Variants in SPIRE2 observed in about 807,000 individuals in gnomAD.
The protein encoded by SPIRE2 is spire type actin nucleation factor 2.
SPIRE2 carries 76 observed loss-of-function variants against 80.7 expected under a neutral mutation model. That is an observed-to-expected ratio of 0.94 (90% CI 0.78 to 1.14). The LOEUF is 1.14. SPIRE2 is among the 50% of genes most tolerant of loss of function. The pLI is 0.00. For synonymous variants in SPIRE2, 535 were observed against 432.6 expected, an observed-to-expected ratio of 1.24 and a Z score of -2.94; for missense variants, 1,196 against 1,015.3, an observed-to-expected ratio of 1.18 and a Z score of -2.42.
Position 89,868,318 on chromosome 16 carries a change from A to C in SPIRE2, c.1806+102A>C. 4 of 1,189,882 alleles carry C rather than the reference A, an allele frequency of 3.4e-6. No homozygotes were observed. In the South Asian group the frequency reaches 3.7e-5, roughly 11 times the overall value. 73.7% of individuals were successfully genotyped at this position (1,189,882 alleles called of 1,614,324 possible). ...ATGATGCTGCCTCACCAGGCACCTC[A>C]TCCATTTCCTTTCAGGCAGAATCCA... On this transcript the variant is annotated intron_variant, in intron 13 of 14. Coordinates refer to ENST00000378247, the MANE Select transcript of SPIRE2 (RefSeq NM_032451.2).
rs1333961412 is a variant in SPIRE2 at position 89,856,216 on chromosome 16, G to A, written c.1082G>A (p.Gly361Asp). Residue 361 changes from glycine to aspartate, a missense_variant, in exon 7 of 15, where the codon GGC becomes GAC. Physicochemically the swap from Gly to Asp is moderately conservative, Grantham distance 94. Transcript: ENST00000378247. ...GAGCGGAGGCTGCGCCCGGTGCGGG[G>A]CGAGGGCTGGGCTGCCCGCGGTGAG... ...KQERRLRPVR[G>D]EGWAARGFGS... 2 of 1,586,480 alleles carry A rather than the reference G, an allele frequency of 1.3e-6. No homozygotes were observed. Among genetic ancestry groups the A allele is most frequent in the South Asian group, 1.1e-5 (1 of 87,736 alleles).
intron 6 of SPIRE2, 66 bp downstream of exon 6, chr16:89,855,752 G>A (rs1159576502): frequency 7.3e-6 from 11 of 1,507,696 alleles, no homozygotes; most frequent in Non-Finnish European, 1.0e-5. Context: ...TAGCCAGCCT[G>A]GGAGGTGTCC....
At chr16:89,849,575 C>A (rs2041601558) in intron 2 of SPIRE2, among the ~76,000 whole-genome samples, 1 of 152,206 alleles carries the variant, frequency 6.6e-6, no homozygotes, top group Non-Finnish European at 1.5e-5. Context: ...CATCGACCTC[C>A]TGTGTCCGAC....
At chr16:89,868,059 A>C (rs2041805272) in intron 12 of SPIRE2, 130 bp from the exon 13 acceptor site, 2 of 985,222 alleles carry the variant, frequency 2.0e-6, no homozygotes, top group South Asian at 2.6e-5. Context: ...AAAGTACTGA[A>C]GTAACCAAGC....
chr16:89,867,765 A>C (rs184178472), intron 12 of SPIRE2, among the ~76,000 whole-genome samples: 1 of 151,848 alleles, frequency 6.6e-6, no homozygotes, highest in Non-Finnish European at 1.5e-5. Context: ...TTGTATTTTT[A>C]GTAGAAACGA....
At position 89,847,327 on chromosome 16, in the gene SPIRE2, C is replaced by T. The variant is rs78286759; in HGVS notation, c.288+1962C>T. ...GGGGGCCTGTCTGTGTGGCTGTGTC[C>T]GGTTGTCGTGTGTCTCACTGTTGCG... On this transcript the variant is annotated intron_variant, in intron 2 of 14. Coordinates refer to ENST00000378247, the MANE Select transcript of SPIRE2 (RefSeq NM_032451.2). Among the ~76,000 whole-genome samples the T allele has an allele frequency of 2.0e-3, 309 of 152,206 alleles. 1 individual carries two copies. The highest frequency in any genetic ancestry group is 7.2e-3 in the African/African-American group (297 of 41,510).
rs2041555625 is a variant in SPIRE2 at position 89,845,997 on chromosome 16, C to T, written c.288+632C>T. 4.2e-5 allele frequency: 8 copies of T among 192,330 alleles called. No individual in the cohort carries two copies. In the South Asian group the frequency reaches 9.6e-4, roughly 23 times the overall value. The allele number at this position is 192,330 out of a possible 1,614,324, so 11.9% of individuals were successfully genotyped here. ...CTGCAAGCTCCGCCTCCCGGGTTCA[C>T]ACCTTTCTCCTGCCTCAGCCTCCCA... On this transcript the variant is annotated intron_variant, in intron 2 of 14. Transcript: ENST00000378247.
chr16:89,848,757 C>T lies in SPIRE2; in HGVS notation c.289-1547C>T, dbSNP rs139958296. On this transcript the variant is annotated intron_variant, in intron 2 of 14. Coordinates refer to ENST00000378247, the MANE Select transcript of SPIRE2 (RefSeq NM_032451.2). ...TCCAGGGCCTTCTGTGGTGTTTCTG[C>T]AGGACAGACGAGGCAGGTTCCAGGA... Among the ~76,000 whole-genome samples the T allele has an allele frequency of 3.3e-4, 50 of 149,844 alleles. No homozygotes were observed. In the East Asian group the frequency reaches 9.5e-3, roughly 28 times the overall value.
chr16:89,861,963 A>G (rs537029318), intron 10 of SPIRE2: 13 of 151,856 alleles, frequency 8.6e-5, no homozygotes, highest in African/African-American at 2.7e-4. Flanking sequence ...CACTAAGTCC[A>G]GCCTATTCTC....
chr16:89,834,567 G>A (rs2041424226), intron 1 of SPIRE2, among the ~76,000 whole-genome samples: 1 of 112,600 alleles, frequency 8.9e-6, no homozygotes, highest in Non-Finnish European at 1.9e-5. Context: ...GTTGGCCGTC[G>A]TAGAAGGCCC....
intron 9 of SPIRE2, among the ~76,000 whole-genome samples, chr16:89,860,043 G>C (rs1389879692): frequency 6.6e-6 from 1 of 152,062 alleles, no homozygotes. Context: ...ACCTGGAGCT[G>C]TGCCTCAGCC....
chr16:89,863,688 C>T lies in SPIRE2; in HGVS notation c.1710+78C>T. On this transcript the variant is annotated intron_variant, in intron 11 of 14. Transcript: ENST00000378247. The surrounding 1 kb of genome is among the most constrained non-coding windows in gnomAD (Gnocchi z 4.3). The stretch of plus-strand genomic sequence containing the variant: ...GTGCCGAGAGGGCCAGTTCCCAGGA[C>T]TGTTTGCTCATGATCTGGTTGGGAG... The T allele has an allele frequency of 6.2e-7, 1 of 1,611,674 alleles. No homozygotes were observed.
chr16:89,842,090 C>A (rs2041511049), intron 1 of SPIRE2, among the ~76,000 whole-genome samples: 1 of 151,950 alleles, frequency 6.6e-6, no homozygotes, highest in African/African-American at 2.4e-5. Flanking sequence ...TGGGCTCGGG[C>A]TCTGACTGCA....
At chr16:89,853,853 G>A (rs2041661051) in intron 3 of SPIRE2, among the ~76,000 whole-genome samples, 1 of 152,218 alleles carries the variant, frequency 6.6e-6, no homozygotes, top group Admixed American at 6.5e-5. Flanking sequence ...GGACTTGCCA[G>A]GCAGCAGCTC....
Position 89,854,617 on chromosome 16 carries a change from T to C in SPIRE2, c.857T>C (p.Ile286Thr). The C allele has an allele frequency of 1.3e-6, 2 of 1,591,952 alleles. No individual in the cohort carries two copies. The highest frequency in any genetic ancestry group is 1.4e-5 in the African/African-American group (1 of 73,998). The change falls in exon 5 of 15, where the codon ATC (isoleucine) becomes ACC (threonine). Residue 286 changes from isoleucine (I) to threonine (T), a missense_variant. By Grantham distance (89) the Ile-to-Thr change is moderately conservative. Transcript: ENST00000378247. ...CCCTTCGAGATGCTGATGCAGGACA[T>C]CCGGGCCCGGAACTACAAGCTGCGC... ...LTPFEMLMQD[I>T]RARNYKLRKV...
intron 1 of SPIRE2, among the ~76,000 whole-genome samples, chr16:89,831,870 C>A (rs1201026315): frequency 1.3e-5 from 2 of 148,170 alleles, no homozygotes; most frequent in African/African-American, 4.9e-5. Flanking sequence ...TCTGCTGTTT[C>A]GCAGCCCCGC....
At chr16:89,837,945 C>T (rs558208959) in intron 1 of SPIRE2, among the ~76,000 whole-genome samples, 3 of 152,342 alleles carry the variant, frequency 2.0e-5, no homozygotes, top group East Asian at 1.9e-4. Context: ...AACACAGACT[C>T]CTGGTTTCGT....
At position 89,870,188 on chromosome 16, in the gene SPIRE2, G is replaced by T; in HGVS notation, c.2061G>T (p.Val687=). ...TGGTGCGTTCCAGCCGCAAGAGCGT[G>T]GACGTCCTCAACACTACGCCACGAC... ...ADVVRSSRKS[V]DVLNTTPRRS... is the part of the protein sequence containing the mutation. The change falls in exon 15 of 15, where the codon GTG becomes GTT. Residue 687 remains valine, a synonymous_variant. Transcript: ENST00000378247. 1 of 1,610,316 alleles carries T rather than the reference G, an allele frequency of 6.2e-7. No individual in the cohort carries two copies. The highest frequency in any genetic ancestry group is 8.5e-7 in the Non-Finnish European group (1 of 1,178,482).
intron 12 of SPIRE2, among the ~76,000 whole-genome samples, chr16:89,864,795 T>C (rs1315133120): frequency 6.6e-6 from 1 of 152,162 alleles, no homozygotes; most frequent in South Asian, 2.1e-4. Flanking sequence ...TAACTGATTC[T>C]GAGAACAAAG....
Sources: allele counts gnomAD v4.1 joint callset (sites outside exome capture counted in the v4.1 genomes callset), GRCh38; gene constraint gnomAD v4.1.1; non-coding constraint Gnocchi (gnomAD v3.1); transcripts MANE v1.5; gene names NCBI Gene and HGNC (gene_info 2026-07-23, HGNC 2026-07-21).